Variants in EIF4ENIF1 observed in about 807,000 individuals in gnomAD.
EIF4ENIF1 encodes the protein eukaryotic translation initiation factor 4E transporter.
Under a neutral mutation model 110.5 loss-of-function variants are expected in EIF4ENIF1, and 23 were observed. That is an observed-to-expected ratio of 0.21 (90% CI 0.15 to 0.29). EIF4ENIF1 has a LOEUF of 0.29. Among genes scored for constraint, EIF4ENIF1 ranks in the 10% least tolerant of loss-of-function variants. The pLI is 1.00. For synonymous variants in EIF4ENIF1, 440 were observed against 437.0 expected, an observed-to-expected ratio of 1.01 and a Z score of -0.09; for missense variants, 1,031 against 1,221.1, an observed-to-expected ratio of 0.84 and a Z score of 2.32.
intron 16 of EIF4ENIF1, among the ~76,000 whole-genome samples, chr22:31,442,689 A>G (rs2050340535): frequency 6.6e-6 from 1 of 152,226 alleles, no homozygotes; most frequent in African/African-American, 2.4e-5. Context: ...TTAACTTTGA[A>G]GCCTAACTAA....
At chr22:31,452,483 C>T (rs747515727) in intron 10 of EIF4ENIF1, among the ~76,000 whole-genome samples, 6 of 152,154 alleles carry the variant, frequency 3.9e-5, no homozygotes, top group Non-Finnish European at 8.8e-5. Context: ...AAACCAACTG[C>T]CCTTACAACT....
At chr22:31,492,666 CA>C (rs1434780787), upstream of EIF4ENIF1, among the ~76,000 whole-genome samples, 4 of 152,236 alleles carry the variant, frequency 2.6e-5, no homozygotes, top group East Asian at 7.7e-4. Context: ...TAGATGCTTA[CA>C]AATTGCAAAT....
At position 31,439,758 on chromosome 22, in the gene EIF4ENIF1, C is replaced by A; in HGVS notation, c.*122G>T. ...GCGGACCACACCAGATGCATGGGTT[C>A]CACCAAACAGCTTCACACAGAGTGC... On this transcript the variant is annotated 3_prime_UTR_variant, in exon 19 of 19. Coordinates refer to ENST00000330125, the MANE Select transcript of EIF4ENIF1 (RefSeq NM_019843.4). 1 of 1,406,656 alleles carries A rather than the reference C, an allele frequency of 7.1e-7. No individual in the cohort carries two copies. The highest frequency in any genetic ancestry group is 9.5e-7 in the Non-Finnish European group (1 of 1,054,530). 87.1% of individuals were successfully genotyped at this position (1,406,656 alleles called of 1,614,324 possible). A position where few individuals can be genotyped will look rare whatever the true frequency, so the allele number is the denominator to read the frequency against.
Position 31,468,156 on chromosome 22 carries a change from T to C in EIF4ENIF1, c.298+19A>G, listed in dbSNP as rs1228162907. ...TCCCCAAAATCACTAACCCCACTTCTGAGTGACTGTGTGCTCACCTACTAT... is the reference window on the plus strand; with the variant it reads ...TCCCCAAAATCACTAACCCCACTTCCGAGTGACTGTGTGCTCACCTACTAT... On this transcript the variant is annotated intron_variant, in intron 4 of 18. Coordinates refer to ENST00000330125, the MANE Select transcript of EIF4ENIF1 (RefSeq NM_019843.4). 1 of 1,611,196 alleles carries C rather than the reference T, an allele frequency of 6.2e-7. No individual in the cohort carries two copies. The highest frequency in any genetic ancestry group is 8.5e-7 in the Non-Finnish European group (1 of 1,178,304).
At chr22:31,465,061 C>T (rs146031179) in intron 4 of EIF4ENIF1, among the ~76,000 whole-genome samples, 65 of 152,022 alleles carry the variant, frequency 4.3e-4, no homozygotes, top group African/African-American at 1.3e-3. Flanking sequence ...CAGTGGCTCA[C>T]GCCTGTAATC....
chr22:31,446,588 T>TAA (rs2050488474), intron 14 of EIF4ENIF1, among the ~76,000 whole-genome samples: 1 of 152,174 alleles, frequency 6.6e-6, no homozygotes, highest in Non-Finnish European at 1.5e-5. Context: ...AAAGGTAGAC[T>TAA]AAACTATAGT....
chr22:31,465,595 C>T (rs1052643728), intron 4 of EIF4ENIF1, among the ~76,000 whole-genome samples: 1 of 152,222 alleles, frequency 6.6e-6, no homozygotes, highest in Non-Finnish European at 1.5e-5. Context: ...GGTACAACTA[C>T]TTTGGAAAAC....
chr22:31,452,594 T>G (rs1361084997), intron 10 of EIF4ENIF1, among the ~76,000 whole-genome samples: 1 of 152,194 alleles, frequency 6.6e-6, no homozygotes, highest in Non-Finnish European at 1.5e-5. Flanking sequence ...TATTTTTAGT[T>G]GCTCACACCA....
chr22:31,459,231 T>G (rs1355305672), intron 6 of EIF4ENIF1, among the ~76,000 whole-genome samples: 2 of 152,022 alleles, frequency 1.3e-5, no homozygotes, highest in East Asian at 3.9e-4. Flanking sequence ...TCCAGCACCA[T>G]GCCTAGTTCT....
intron 14 of EIF4ENIF1, chr22:31,447,081 C>A: frequency 4.7e-6 from 2 of 426,516 alleles, no homozygotes; most frequent in South Asian, 1.8e-5. Flanking sequence ...TAGAAACATC[C>A]TAAGATTTTA....
At chr22:31,486,865 G>C (rs767386349) in intron 2 of EIF4ENIF1, among the ~76,000 whole-genome samples, 17 of 150,998 alleles carry the variant, frequency 1.1e-4, no homozygotes, top group Non-Finnish European at 1.6e-4. Context: ...CAGATCACCT[G>C]AGGTTGGGAG....
chr22:31,447,570 T>C lies in EIF4ENIF1; in HGVS notation c.1849-5A>G. On this transcript the variant is annotated splice_region_variant and splice_polypyrimidine_tract_variant and intron_variant, in intron 13 of 18. Coordinates refer to ENST00000330125, the MANE Select transcript of EIF4ENIF1 (RefSeq NM_019843.4). Reference sequence around the variant, plus strand: ...TTGCAACTCCAGCTGGCTCATCTGCTGAAAAGGAGAGGGGAGGGTCAGGAG... The same window carrying C: ...TTGCAACTCCAGCTGGCTCATCTGCCGAAAAGGAGAGGGGAGGGTCAGGAG... The C allele has an allele frequency of 6.2e-7, 1 of 1,600,104 alleles. No homozygotes were observed.
At chr22:31,455,009 A>T in intron 9 of EIF4ENIF1, 127 bp downstream of exon 9, 1 of 742,026 alleles carries the variant, frequency 1.3e-6, no homozygotes. Context: ...TTAAAAAAGA[A>T]CATTAAACAA....
intron 2 of EIF4ENIF1, among the ~76,000 whole-genome samples, chr22:31,482,369 C>G (rs1252250287): frequency 1.3e-5 from 2 of 152,094 alleles, no homozygotes; most frequent in African/African-American, 4.8e-5. Flanking sequence ...AACAGCATAA[C>G]GTATGTATCC....
intron 13 of EIF4ENIF1, 24 bp downstream of exon 13, chr22:31,448,129 G>A (rs577017020): frequency 2.5e-6 from 4 of 1,612,864 alleles, no homozygotes; most frequent in Non-Finnish European, 2.5e-6. Flanking sequence ...GCAAGAGATT[G>A]AGTTTGAGAA....
chr22:31,440,051 G>A lies in EIF4ENIF1; in HGVS notation c.2787C>T (p.Pro929=). Reference sequence around the variant, plus strand: ...GCATGTGGGGCAGGCCTGACCGGCTGGGCACGTTCTGAGGGGTTGTCTGAA... The same window carrying A: ...GCATGTGGGGCAGGCCTGACCGGCTAGGCACGTTCTGAGGGGTTGTCTGAA... ...VSVQTTPQNV[P]SRSGLPHMHS... is the part of the protein sequence containing the mutation. Residue 929 remains proline, a synonymous_variant, in exon 19 of 19, where the codon CCC becomes CCT. Transcript: ENST00000330125. 6.2e-7 allele frequency: 1 copy of A among 1,614,088 alleles called. No individual in the cohort carries two copies. The highest frequency in any genetic ancestry group is 1.1e-5 in the South Asian group (1 of 91,076).
At chr22:31,464,699 AATATATAT>A (rs1230573468) in intron 4 of EIF4ENIF1, among the ~76,000 whole-genome samples, 50 of 39,062 alleles carry the variant, frequency 1.3e-3, no homozygotes, top group South Asian at 2.6e-3. Context: ...AAAAAAAAAA[AATATATAT>A]ATATATATAT....
chr22:31,449,042 G>A (rs540459416), intron 12 of EIF4ENIF1, among the ~76,000 whole-genome samples: 6 of 152,174 alleles, frequency 3.9e-5, no homozygotes, highest in South Asian at 2.1e-4. Context: ...ACAGAGTCTC[G>A]CTCTGTCGCC....
At chr22:31,457,334 T>A (rs1412970917) in intron 7 of EIF4ENIF1, among the ~76,000 whole-genome samples, 1 of 152,184 alleles carries the variant, frequency 6.6e-6, no homozygotes, top group Non-Finnish European at 1.5e-5. Context: ...AAAACTAGAT[T>A]TAAGCATTTA....
Sources: allele counts gnomAD v4.1 joint callset (sites outside exome capture counted in the v4.1 genomes callset), GRCh38; gene constraint gnomAD v4.1.1; transcripts MANE v1.5; gene names NCBI Gene and HGNC (gene_info 2026-07-23, HGNC 2026-07-21).